Variants in TUBA1A observed in about 807,000 individuals in gnomAD.
TUBA1A encodes the protein tubulin alpha-1A chain.
A neutral mutation model predicts 34.6 loss-of-function variants in TUBA1A; 7 were observed. That is an observed-to-expected ratio of 0.20 (90% CI 0.11 to 0.38). The LOEUF (loss-of-function observed/expected upper bound fraction) is 0.38. Among genes scored for constraint, TUBA1A ranks in the 10% least tolerant of loss-of-function variants. The pLI is 1.00. For missense variants in TUBA1A, 19 were observed against 581.3 expected (o/e 0.03, Z 9.95); for synonymous variants, 193 against 210.2 (o/e 0.92, Z 0.71).
chr12:49,186,052 G>A lies in TUBA1A; in HGVS notation c.376-62C>T. 1 of 1,599,358 alleles carries A rather than the reference G, an allele frequency of 6.3e-7. No homozygotes were observed. ...TTTTATTCTTTGTAGTACAATCATA[G>A]TAAATATATTTTCACTTTTCATACA... On this transcript the variant is annotated intron_variant, in intron 3 of 3. Transcript: ENST00000301071. This position sits in a 1 kb window ranked among gnomAD's most constrained non-coding sequence, Gnocchi z 6.6.
At position 49,188,808 on chromosome 12, in the gene TUBA1A, T is replaced by TGCG. The variant is rs560742601; in HGVS notation, c.3+166_3+168dup. On this transcript the variant is annotated intron_variant, in intron 1 of 3. Coordinates refer to ENST00000301071, the MANE Select transcript of TUBA1A (RefSeq NM_006009.4). The surrounding 1 kb of genome is among the most constrained non-coding windows in gnomAD (Gnocchi z 4.9). ...ACTGGCCCGGTTCCTGCACCCGCAC[T>TGCG]GCGGCGGCGGCGGGGCTTGAGGATT... 8,932 of 1,596,230 alleles carry TGCG rather than the reference T, an allele frequency of 5.6e-3. 37 individuals carry two copies. The highest frequency in any genetic ancestry group is 5.9e-3 in the South Asian group (533 of 90,660).
At position 49,188,767 on chromosome 12, in the gene TUBA1A, G is replaced by A; in HGVS notation, c.3+210C>T. 1 of 1,528,334 alleles carries A rather than the reference G, an allele frequency of 6.5e-7. No homozygotes were observed. Among genetic ancestry groups the A allele is most frequent in the Non-Finnish European group, 8.7e-7 (1 of 1,148,954 alleles). 94.7% of individuals were successfully genotyped at this position (1,528,334 alleles called of 1,614,324 possible). A position where few individuals can be genotyped will look rare whatever the true frequency, so the allele number is the denominator to read the frequency against. On this transcript the variant is annotated intron_variant, in intron 1 of 3. Transcript: ENST00000301071. This position sits in a 1 kb window ranked among gnomAD's most constrained non-coding sequence, Gnocchi z 4.9. ...CTTTGTTCCTCCCCAGCGCTCTGCT[G>A]CGCCCTGGGCGCAGTACTGGCCCGG...
Position 49,186,750 on chromosome 12 carries a change from G to A in TUBA1A, c.87C>T (p.Gly29=), listed in dbSNP as rs1942186590. The A allele has an allele frequency of 6.2e-7, 1 of 1,614,076 alleles. No individual in the cohort carries two copies. ...TTGGCATCTGGCCATCGGGCTGGATGCCGTGTTCCAGGCAGTAGAGCTCCC... is the reference window on the plus strand; with the variant it reads ...TTGGCATCTGGCCATCGGGCTGGATACCGTGTTCCAGGCAGTAGAGCTCCC... The part of the protein sequence containing the change: ...ACWELYCLEH[G]IQPDGQMPSD... Residue 29 remains glycine (G), a synonymous_variant, in exon 2 of 4, where the codon GGC becomes GGT. Transcript: ENST00000301071. The surrounding 1 kb of genome is among the most constrained non-coding windows in gnomAD (Gnocchi z 6.6).
In TUBA1A at chr12:49,186,201, C is replaced by T; in HGVS notation, c.375+109G>A. On this transcript the variant is annotated intron_variant, in intron 3 of 3. Transcript: ENST00000301071. This position sits in a 1 kb window ranked among gnomAD's most constrained non-coding sequence, Gnocchi z 6.6. Reference sequence around the variant, plus strand: ...AAAAACCCCAAAAGAATGACTCATTCCACTCTTTATTAAAATAACAGTTCA... The same window carrying T: ...AAAAACCCCAAAAGAATGACTCATTTCACTCTTTATTAAAATAACAGTTCA... 1.9e-6 allele frequency: 3 copies of T among 1,604,138 alleles called. No homozygotes were observed. Among genetic ancestry groups the T allele is most frequent in the South Asian group, 2.2e-5 (2 of 90,354 alleles).
intron 1 of TUBA1A, chr12:49,187,041 C>T: frequency 1.4e-6 from 2 of 1,444,828 alleles, no homozygotes; most frequent in South Asian, 3.0e-5. Flanking sequence ...GTCGCCTTGG[C>T]CCTGTTCAGC....
In TUBA1A at chr12:49,188,787, G is replaced by A. The variant is rs1471946783; in HGVS notation, c.3+190C>T. 1.4e-5 allele frequency: 22 copies of A among 1,585,306 alleles called. No individual in the cohort carries two copies. Among genetic ancestry groups the A allele is most frequent in the Non-Finnish European group, 1.7e-5 (20 of 1,173,408 alleles). On this transcript the variant is annotated intron_variant, in intron 1 of 3. Coordinates refer to ENST00000301071, the MANE Select transcript of TUBA1A (RefSeq NM_006009.4). The surrounding 1 kb of genome is among the most constrained non-coding windows in gnomAD (Gnocchi z 4.9). The stretch of plus-strand genomic sequence containing the variant: ...CTGCTGCGCCCTGGGCGCAGTACTG[G>A]CCCGGTTCCTGCACCCGCACTGCGG...
At position 49,188,941 on chromosome 12, in the gene TUBA1A, A is replaced by C; in HGVS notation, c.3+36T>G. The C allele has an allele frequency of 6.2e-7, 1 of 1,614,080 alleles. No individual in the cohort carries two copies. Among genetic ancestry groups the C allele is most frequent in the Non-Finnish European group, 8.5e-7 (1 of 1,180,014 alleles). On this transcript the variant is annotated intron_variant, in intron 1 of 3. Transcript: ENST00000301071. The surrounding 1 kb of genome is among the most constrained non-coding windows in gnomAD (Gnocchi z 4.9). ...AGTAGAGCCTGGGGGCGCTGACTCC[A>C]CCCAACGGCCACAAAGAGCCGAAGC...
intron 1 of TUBA1A, chr12:49,187,122 G>A (rs1383535320): frequency 1.5e-6 from 2 of 1,292,056 alleles, no homozygotes; most frequent in African/African-American, 1.5e-5. Context: ...AAAGTATTCA[G>A]TATTCAAAGC....
chr12:49,187,916 G>A (rs1942200669), intron 1 of TUBA1A: 1 of 982,316 alleles, frequency 1.0e-6, no homozygotes, highest in Admixed American at 6.2e-5. Context: ...GCGGGGCGGG[G>A]GGGCGGCGGG....
At position 49,188,551 on chromosome 12, in the gene TUBA1A, C is replaced by G. The variant is rs80167147; in HGVS notation, c.3+426G>C. On this transcript the variant is annotated intron_variant, in intron 1 of 3. Coordinates refer to ENST00000301071, the MANE Select transcript of TUBA1A (RefSeq NM_006009.4). The surrounding 1 kb of genome is among the most constrained non-coding windows in gnomAD (Gnocchi z 4.9). ...CCCCAGCTCGCCCAACGCCCCCGCTCTTTTTGGGTGCCTCCTCCTCTCCCG... is the reference window on the plus strand; with the variant it reads ...CCCCAGCTCGCCCAACGCCCCCGCTGTTTTTGGGTGCCTCCTCCTCTCCCG... 3.7e-3 allele frequency: 5,508 copies of G among 1,494,446 alleles called. 156 individuals are homozygous for G. The African/African-American group carries it at 0.067, about 18-fold the overall frequency. 92.6% of individuals were successfully genotyped at this position (1,494,446 alleles called of 1,614,324 possible).
chr12:49,188,702 C>T lies in TUBA1A; in HGVS notation c.3+275G>A. 1 of 1,439,622 alleles carries T rather than the reference C, an allele frequency of 6.9e-7. No homozygotes were observed. The highest frequency in any genetic ancestry group is 9.1e-7 in the Non-Finnish European group (1 of 1,104,098). 89.2% of individuals were successfully genotyped at this position (1,439,622 alleles called of 1,614,324 possible). On this transcript the variant is annotated intron_variant, in intron 1 of 3. Coordinates refer to ENST00000301071, the MANE Select transcript of TUBA1A (RefSeq NM_006009.4). This position sits in a 1 kb window ranked among gnomAD's most constrained non-coding sequence, Gnocchi z 4.9. ...CGCGGCAGACGGGCTGCCCGCGGCC[C>T]CCGAAAGTCTCTCGGATAACACAGG...
chr12:49,187,866 G>A (rs1942199776), intron 1 of TUBA1A: 1 of 981,866 alleles, frequency 1.0e-6, no homozygotes. Flanking sequence ...GTGGTCTTTA[G>A]GGCTACCACT....
At position 49,188,932 on chromosome 12, in the gene TUBA1A, G is replaced by T. The variant is rs758990710; in HGVS notation, c.3+45C>A. ...GGTTTTCCAAGTAGAGCCTGGGGGC[G>T]CTGACTCCACCCAACGGCCACAAAG... On this transcript the variant is annotated intron_variant, in intron 1 of 3. Transcript: ENST00000301071. This position sits in a 1 kb window ranked among gnomAD's most constrained non-coding sequence, Gnocchi z 4.9. The T allele has an allele frequency of 5.0e-6, 8 of 1,614,000 alleles. No individual in the cohort carries two copies. Among genetic ancestry groups the T allele is most frequent in the Non-Finnish European group, 5.1e-6 (6 of 1,180,046 alleles).
chr12:49,187,390 T>C (rs1029362252), intron 1 of TUBA1A: 45 of 1,002,074 alleles, frequency 4.5e-5, no homozygotes, highest in Non-Finnish European at 1.1e-5. Context: ...GGTGCTAGCC[T>C]GTACTGTCTG....
Position 49,188,664 on chromosome 12 carries a change from C to T in TUBA1A, c.3+313G>A. ...GACACGGGGCCCAGCCGGGACGCCC[C>T]AGACCCCTCGGTCGCGGCAGACGGG... On this transcript the variant is annotated intron_variant, in intron 1 of 3. Coordinates refer to ENST00000301071, the MANE Select transcript of TUBA1A (RefSeq NM_006009.4). The surrounding 1 kb of genome is among the most constrained non-coding windows in gnomAD (Gnocchi z 4.9). 1 of 1,438,760 alleles carries T rather than the reference C, an allele frequency of 7.0e-7. No individual in the cohort carries two copies. The highest frequency in any genetic ancestry group is 9.1e-7 in the Non-Finnish European group (1 of 1,103,530). The allele number at this position is 1,438,760 out of a possible 1,614,324, so 89.1% of individuals were successfully genotyped here.
At position 49,188,566 on chromosome 12, in the gene TUBA1A, C is replaced by T; in HGVS notation, c.3+411G>A. 1 of 1,479,572 alleles carries T rather than the reference C, an allele frequency of 6.8e-7. No homozygotes were observed. The highest frequency in any genetic ancestry group is 9.0e-7 in the Non-Finnish European group (1 of 1,116,544). 91.7% of individuals were successfully genotyped at this position (1,479,572 alleles called of 1,614,324 possible). ...CGCCCCCGCTCTTTTTGGGTGCCTCCTCCTCTCCCGGTCCCCAGAGAACAA... is the reference window on the plus strand; with the variant it reads ...CGCCCCCGCTCTTTTTGGGTGCCTCTTCCTCTCCCGGTCCCCAGAGAACAA... On this transcript the variant is annotated intron_variant, in intron 1 of 3. Coordinates refer to ENST00000301071, the MANE Select transcript of TUBA1A (RefSeq NM_006009.4). The surrounding 1 kb of genome is among the most constrained non-coding windows in gnomAD (Gnocchi z 4.9).
Position 49,188,190 on chromosome 12 carries a change from A to G in TUBA1A, c.3+787T>C. 1.0e-6 allele frequency: 1 copy of G among 984,156 alleles called. No homozygotes were observed. Among genetic ancestry groups the G allele is most frequent in the African/African-American group, 1.8e-5 (1 of 57,098 alleles). The allele number at this position is 984,156 out of a possible 1,614,324, so 61.0% of individuals were successfully genotyped here. ...AAGTGAATTATGATTTTGCTCAAGA[A>G]AAAAAAAAGTCATCTAACTTATAAT... On this transcript the variant is annotated intron_variant, in intron 1 of 3. Coordinates refer to ENST00000301071, the MANE Select transcript of TUBA1A (RefSeq NM_006009.4). The surrounding 1 kb of genome is among the most constrained non-coding windows in gnomAD (Gnocchi z 4.9).
chr12:49,187,705 G>C lies in TUBA1A; in HGVS notation c.4-872C>G, dbSNP rs566212606. On this transcript the variant is annotated intron_variant, in intron 1 of 3. Transcript: ENST00000301071. ...ACAAAAGTTCCTAAGTTAGAAACAAGCATCACATGAAAAGGTACCAAAGAA... is the reference window on the plus strand; with the variant it reads ...ACAAAAGTTCCTAAGTTAGAAACAACCATCACATGAAAAGGTACCAAAGAA... The C allele has an allele frequency of 2.5e-3, 2,418 of 968,386 alleles. 5 individuals are homozygous for C. The highest frequency in any genetic ancestry group is 6.8e-3 in the Middle Eastern group (13 of 1,898). The allele number at this position is 968,386 out of a possible 1,614,324, so 60.0% of individuals were successfully genotyped here. A position where few individuals can be genotyped will look rare whatever the true frequency, so the allele number is the denominator to read the frequency against.
intron 1 of TUBA1A, chr12:49,187,518 GA>G: frequency 1.0e-6 from 1 of 985,606 alleles, no homozygotes; most frequent in Non-Finnish European, 1.2e-6. Flanking sequence ...GAATTGAAAT[GA>G]ATTAATTAAG....
Sources: gnomAD v4.1 joint callset for allele counts on GRCh38, gnomAD v4.1.1 for gene constraint, Gnocchi (gnomAD v3.1) non-coding constraint, MANE v1.5 for transcripts, NCBI Gene and HGNC (gene_info 2026-07-23, HGNC 2026-07-21) for gene names.